The following MSTO1 variants were observed in gnomAD, a reference collection of about 807,000 sequenced individuals.
The protein encoded by MSTO1 is misato mitochondrial distribution and morphology regulator 1.
MSTO1 carries 24 observed loss-of-function variants against 55.7 expected under a neutral mutation model. That is an observed-to-expected ratio of 0.43 (90% CI 0.31 to 0.61). The LOEUF (loss-of-function observed/expected upper bound fraction) is 0.61, where lower values mean the gene tolerates loss of function less well. MSTO1 is among the 20% of genes least tolerant of loss of function. MSTO1 has a pLI of 0.09. For synonymous variants in MSTO1, 162 were observed against 252.8 expected (o/e 0.64, Z 3.41); for missense variants, 363 against 625.7 (o/e 0.58, Z 4.48).
the MSTO1 span, among the ~76,000 whole-genome samples, chr1:155,593,135 A>G: frequency 6.6e-6 from 1 of 152,010 alleles, no homozygotes; most frequent in South Asian, 2.1e-4. Context: ...GCTGGTCTCA[A>G]ACTCCTGACC....
the MSTO1 span, among the ~76,000 whole-genome samples, chr1:155,589,379 G>T: frequency 0.25 from 37,922 of 151,700 alleles, 5,665 homozygotes; most frequent in East Asian, 0.72. Context: ...GAAAGTTTTG[G>T]TGTTTTTTTT....
chr1:155,595,723 G>C, the MSTO1 span, among the ~76,000 whole-genome samples: 17 of 150,378 alleles, frequency 1.1e-4, no homozygotes, highest in Non-Finnish European at 2.4e-4. Flanking sequence ...TCGATCTCCC[G>C]ATCTTGGCCT....
chr1:155,600,395 A>C, the MSTO1 span, among the ~76,000 whole-genome samples: 1 of 152,216 alleles, frequency 6.6e-6, no homozygotes, highest in Non-Finnish European at 1.5e-5. Context: ...AGATTAACAG[A>C]ATCTCAAGGC....
chr1:155,565,822 A>G, the MSTO1 span, among the ~76,000 whole-genome samples: 2 of 152,212 alleles, frequency 1.3e-5, no homozygotes, highest in Non-Finnish European at 2.9e-5. Context: ...TGCTCAATAA[A>G]ATGACCTCAC....
the MSTO1 span, among the ~76,000 whole-genome samples, chr1:155,604,461 A>G: frequency 6.6e-6 from 1 of 152,252 alleles, no homozygotes; most frequent in Non-Finnish European, 1.5e-5. Flanking sequence ...AAATTAAAAC[A>G]TACTTTTCTG....
At chr1:155,591,180 G>A in the MSTO1 span, 3 of 1,613,024 alleles carry the variant, frequency 1.9e-6, no homozygotes, top group Non-Finnish European at 2.5e-6. Flanking sequence ...TTTCCACATG[G>A]GCAGGACGCA....
the MSTO1 span, among the ~76,000 whole-genome samples, chr1:155,568,143 G>C: frequency 5.3e-5 from 8 of 150,700 alleles, no homozygotes; most frequent in African/African-American, 2.0e-4. Flanking sequence ...GCAGTGTCAC[G>C]ATCTGGGCTC....
Position 155,611,830 on chromosome 1 carries a change from A to G in MSTO1, c.560+3A>G, listed in dbSNP as rs1188131023. ...ATTCAGAAGTACAACCACGATGGGT[A>G]TGGGGACCCCAGAGGCTTTGAGGCA... On this transcript the variant is annotated splice_donor_region_variant and intron_variant, in intron 6 of 13. Transcript: ENST00000245564. 1.5e-6 allele frequency: 1 copy of G among 650,176 alleles called. No homozygotes were observed. Among genetic ancestry groups the G allele is most frequent in the Non-Finnish European group, 2.5e-6 (1 of 406,332 alleles). The allele number at this position is 650,176 out of a possible 1,614,324, so 40.3% of individuals were successfully genotyped here.
At chr1:155,582,985 C>G in the MSTO1 span, among the ~76,000 whole-genome samples, 1 of 151,600 alleles carries the variant, frequency 6.6e-6, no homozygotes, top group South Asian at 2.1e-4. Flanking sequence ...CCCTTCTCAG[C>G]CTCCCAAGTA....
At chr1:155,589,687 A>G in the MSTO1 span, among the ~76,000 whole-genome samples, 2 of 152,038 alleles carry the variant, frequency 1.3e-5, no homozygotes, top group East Asian at 1.9e-4. Flanking sequence ...CTTGGAGTCC[A>G]GTGTTCGAGG....
chr1:155,564,192 C>T, the MSTO1 span, among the ~76,000 whole-genome samples: 1 of 152,178 alleles, frequency 6.6e-6, no homozygotes, highest in Non-Finnish European at 1.5e-5. Context: ...TCAGAAATGA[C>T]TGTTCAAAAG....
the MSTO1 span, chr1:155,563,996 CTGATATT>C: frequency 2.9e-5 from 5 of 171,388 alleles, no homozygotes; most frequent in South Asian, 4.3e-4. Context: ...AAACACTTGA[CTGATATT>C]TGATAATTGA....
At chr1:155,602,585 GTCC>G in the MSTO1 span, among the ~76,000 whole-genome samples, 2 of 152,214 alleles carry the variant, frequency 1.3e-5, no homozygotes, top group African/African-American at 4.8e-5. Context: ...TATGGATTCT[GTCC>G]TCCTTGTGCC....
chr1:155,577,260 T>G, the MSTO1 span, among the ~76,000 whole-genome samples: 2 of 151,586 alleles, frequency 1.3e-5, no homozygotes, highest in South Asian at 4.2e-4. Flanking sequence ...GGCTAATTTT[T>G]TGTATTTTTA....
upstream of MSTO1, chr1:155,610,161 A>G (rs1673498506): frequency 2.8e-5 from 33 of 1,177,006 alleles, no homozygotes; most frequent in South Asian, 4.2e-4. Flanking sequence ...AGCCGAGAAT[A>G]ACACCCGCCC....
chr1:155,612,454 G>A lies in MSTO1; in HGVS notation c.850G>A (p.Ala284Thr), dbSNP rs1315769838. ...QRNIYRLLNT[A>T]FGLVHLTAHS... ...AAACATCTATCGTCTATTAAACACA[G>A]CTTTTGGTCTCGTGCACCTGACTGC... The change falls in exon 9 of 14, where the codon GCT becomes ACT. Residue 284 changes from alanine to threonine, a missense_variant. Coordinates refer to ENST00000245564, the MANE Select transcript of MSTO1 (RefSeq NM_018116.4). 1.2e-6 allele frequency: 2 copies of A among 1,614,070 alleles called. No individual in the cohort carries two copies. Among genetic ancestry groups the A allele is most frequent in the South Asian group, 1.1e-5 (1 of 91,084 alleles).
At chr1:155,583,994 A>G in the MSTO1 span, among the ~76,000 whole-genome samples, 1 of 152,178 alleles carries the variant, frequency 6.6e-6, no homozygotes, top group Non-Finnish European at 1.5e-5. Context: ...ATTCACCACT[A>G]TAGACTCTGT....
At chr1:155,613,418 C>G in intron 11 of MSTO1, 44 bp from the exon 12 acceptor site, 1 of 1,611,812 alleles carries the variant, frequency 6.2e-7, no homozygotes, top group Non-Finnish European at 8.5e-7. Context: ...GTTTCTTATT[C>G]ATGCAGCCAC....
the MSTO1 span, chr1:155,590,713 G>T: frequency 6.4e-7 from 1 of 1,566,500 alleles, no homozygotes; most frequent in Non-Finnish European, 8.7e-7. Flanking sequence ...GGAGGGGCAA[G>T]TGCAGCACAG....
Sources: gnomAD v4.1 joint callset for allele counts (sites outside exome capture counted in the v4.1 genomes callset) on GRCh38, gnomAD v4.1.1 for gene constraint, MANE v1.5 for transcripts, NCBI Gene and HGNC (gene_info 2026-07-23, HGNC 2026-07-21) for gene names.